The following MYO1B variants were observed in gnomAD, a reference collection of about 807,000 sequenced individuals.
The protein encoded by MYO1B is unconventional myosin-Ib.
A neutral mutation model predicts 159.7 loss-of-function variants in MYO1B; 72 were observed. That is an observed-to-expected ratio of 0.45 (90% CI 0.37 to 0.55). The LOEUF (loss-of-function observed/expected upper bound fraction) is 0.55, where lower values mean the gene tolerates loss of function less well. MYO1B is among the 20% of genes least tolerant of loss of function. The pLI is 0.00. For missense variants in MYO1B, 1,062 were observed against 1,364.8 expected (o/e 0.78, Z 3.50); for synonymous variants, 468 against 473.8 (o/e 0.99, Z 0.16).
At chr2:191,409,596 G>C (rs114890535) in intron 26 of MYO1B, among the ~76,000 whole-genome samples, 1 of 152,228 alleles carries the variant, frequency 6.6e-6, no homozygotes, top group African/African-American at 2.4e-5. Context: ...GTACAGAACA[G>C]ATAATCAGAT....
intron 2 of MYO1B, among the ~76,000 whole-genome samples, chr2:191,287,961 T>C (rs1688479064): frequency 6.6e-6 from 1 of 152,038 alleles, no homozygotes; most frequent in Non-Finnish European, 1.5e-5. Context: ...TGTTCCATTC[T>C]CTGTCTTTGG....
chr2:191,414,818 A>G (rs1262265624), intron 29 of MYO1B, 149 bp downstream of exon 29: 2 of 707,806 alleles, frequency 2.8e-6, no homozygotes, highest in Non-Finnish European at 4.2e-6. Context: ...TCTCCGACTC[A>G]GTTTTTCAGT....
chr2:191,335,693 T>C (rs1413199749), intron 4 of MYO1B, among the ~76,000 whole-genome samples: 2 of 152,236 alleles, frequency 1.3e-5, no homozygotes, highest in East Asian at 3.8e-4. Flanking sequence ...GCTTGACATA[T>C]AATATCTCCT....
At chr2:191,360,568 A>C (rs2138913) in intron 7 of MYO1B, 63 bp from the exon 8 acceptor site, 2 of 1,023,906 alleles carry the variant, frequency 2.0e-6, no homozygotes, top group African/African-American at 3.2e-5. Context: ...TGAGAAGGAA[A>C]AAAAGCATGG....
intron 7 of MYO1B, among the ~76,000 whole-genome samples, chr2:191,359,069 G>C (rs1693489677): frequency 6.6e-6 from 1 of 152,172 alleles, no homozygotes; most frequent in East Asian, 1.9e-4. Flanking sequence ...TTTCAATGAA[G>C]AATCTGCCCA....
intron 20 of MYO1B, among the ~76,000 whole-genome samples, chr2:191,395,192 G>A (rs1695994694): frequency 6.6e-6 from 1 of 152,162 alleles, no homozygotes; most frequent in Non-Finnish European, 1.5e-5. Context: ...CAGAATGATG[G>A]TCAGATACTG....
At chr2:191,396,588 G>GT (rs1206614456) in intron 21 of MYO1B, 91 bp downstream of exon 21, 3 of 1,163,362 alleles carry the variant, frequency 2.6e-6, no homozygotes, top group South Asian at 1.3e-5. Flanking sequence ...CAGAGGAGGG[G>GT]CTCCTCTGTC....
At chr2:191,380,416 G>C (rs1373248539) in intron 13 of MYO1B, among the ~76,000 whole-genome samples, 1 of 152,190 alleles carries the variant, frequency 6.6e-6, no homozygotes, top group African/African-American at 2.4e-5. Flanking sequence ...CACCATTGTG[G>C]GAGAAGAGTC....
intron 2 of MYO1B, among the ~76,000 whole-genome samples, chr2:191,286,340 T>G (rs1688369186): frequency 6.7e-6 from 1 of 149,948 alleles, no homozygotes; most frequent in Admixed American, 6.6e-5. Context: ...TACTGTGTCT[T>G]TAAAAAAAAA....
intron 4 of MYO1B, among the ~76,000 whole-genome samples, chr2:191,335,355 C>T (rs776941823): frequency 1.3e-5 from 2 of 151,980 alleles, no homozygotes; most frequent in South Asian, 2.1e-4. Flanking sequence ...TATTTTATGA[C>T]GGTTTTAATT....
rs117748967 is a variant in MYO1B, at chr2:191,261,799, G to A, written c.-9-15088G>A. Among the ~76,000 whole-genome samples, 125 of 152,226 alleles carry A rather than the reference G, an allele frequency of 8.2e-4. 1 individual carries two copies. In the East Asian group the frequency reaches 0.01, roughly 13 times the overall value. ...GGATGATGCCTTGGGATGGTTTATA[G>A]AAGAAAGACCATTGAGTACAACAGT... is the stretch of plus-strand genomic sequence containing the variant. On this transcript the variant is annotated intron_variant, in intron 1 of 30. Coordinates refer to ENST00000392318, the MANE Select transcript of MYO1B (RefSeq NM_001130158.3).
In MYO1B at chr2:191,249,202, C is replaced by T. The variant is rs138378771; in HGVS notation, c.-10+3576C>T. On this transcript the variant is annotated intron_variant, in intron 1 of 30. Coordinates refer to ENST00000392318, the MANE Select transcript of MYO1B (RefSeq NM_001130158.3). ...TGCACTTTGCTTCTTAACTGAGACC[C>T]GATGCCAGAGTGTCTTTTTAAGAAG... is the stretch of plus-strand genomic sequence containing the variant. Among the ~76,000 whole-genome samples, 269 of 152,210 alleles carry T rather than the reference C, an allele frequency of 1.8e-3. 3 individuals carry two copies. The highest frequency in any genetic ancestry group is 6.0e-3 in the Admixed American group (92 of 15,288).
Position 191,364,236 on chromosome 2 carries a change from C to T in MYO1B, c.992C>T (p.Ala331Val). The T allele has an allele frequency of 6.2e-7, 1 of 1,613,794 alleles. No homozygotes were observed. Among genetic ancestry groups the T allele is most frequent in the Non-Finnish European group, 8.5e-7 (1 of 1,179,812 alleles). ...GCATTCAGTTTCCGAACAGTTGAGG[C>T]CAAACAGGAGAAAGTTTCAACTACA... ...ERAFSFRTVE[A>V]KQEKVSTTLN... The change falls in exon 11 of 31, where the codon GCC becomes GTC. Residue 331 changes from alanine to valine, a missense_variant. Ala to Val is a moderately conservative substitution (Grantham distance 64). Transcript: ENST00000392318.
intron 1 of MYO1B, among the ~76,000 whole-genome samples, chr2:191,252,976 A>G (rs1686213214): frequency 6.6e-6 from 1 of 152,058 alleles, no homozygotes; most frequent in Non-Finnish European, 1.5e-5. Flanking sequence ...TCAAGCCCTC[A>G]TTCTGGTTCA....
intron 20 of MYO1B, among the ~76,000 whole-genome samples, chr2:191,393,504 T>A (rs1020129986): frequency 1.3e-5 from 2 of 152,344 alleles, no homozygotes; most frequent in South Asian, 4.1e-4. Context: ...CTTTCACTGA[T>A]CTAGCTGTAT....
At chr2:191,354,859 C>T (rs768941225) in intron 7 of MYO1B, among the ~76,000 whole-genome samples, 102 of 152,174 alleles carry the variant, frequency 6.7e-4, no homozygotes, top group Non-Finnish European at 1.2e-3. Flanking sequence ...TCATACCTCT[C>T]GAAAGAGTGT....
At chr2:191,415,683 G>A (rs1444785428) in intron 29 of MYO1B, among the ~76,000 whole-genome samples, 1 of 152,024 alleles carries the variant, frequency 6.6e-6, no homozygotes, top group Admixed American at 6.5e-5. Flanking sequence ...TTTGTTGGAA[G>A]TGTTGTCATT....
chr2:191,338,127 C>A (rs534692647), intron 4 of MYO1B, among the ~76,000 whole-genome samples: 4 of 135,696 alleles, frequency 2.9e-5, no homozygotes, highest in Admixed American at 2.9e-4. Flanking sequence ...AGTTAAAGGT[C>A]AAGTATATGT....
chr2:191,410,149 A>T (rs1697171979), intron 26 of MYO1B, among the ~76,000 whole-genome samples: 1 of 152,146 alleles, frequency 6.6e-6, no homozygotes, highest in Non-Finnish European at 1.5e-5. Context: ...TCTAACCCAG[A>T]AACTGTTTTC....
Sources: allele counts gnomAD v4.1 joint callset (sites outside exome capture counted in the v4.1 genomes callset), GRCh38; gene constraint gnomAD v4.1.1; transcripts MANE v1.5; gene names NCBI Gene and HGNC (gene_info 2026-07-23, HGNC 2026-07-21).